The following PLEKHH1 variants were observed in gnomAD, a reference collection of about 807,000 sequenced individuals.
PLEKHH1 encodes pleckstrin homology, MyTH4 and FERM domain containing H1.
In PLEKHH1, 104 loss-of-function variants were observed where a neutral mutation model predicts 160.0. The observed-to-expected ratio is 0.65, with a 90% CI of 0.55 to 0.76. The LOEUF is 0.76. PLEKHH1 is among the 30% of genes least tolerant of loss of function. The pLI, the probability that PLEKHH1 is intolerant of heterozygous loss-of-function variation, is 0.00. For missense variants in PLEKHH1, 1,427 were observed against 1,724.1 expected (o/e 0.83, Z 3.05); for synonymous variants, 619 against 678.4 (o/e 0.91, Z 1.36).
At position 67,542,083 on chromosome 14, in the gene PLEKHH1, C is replaced by A. The variant is rs972399742; in HGVS notation, c.126+90C>A. On this transcript the variant is annotated intron_variant, in intron 2 of 28. Coordinates refer to ENST00000329153, the MANE Select transcript of PLEKHH1 (RefSeq NM_020715.3). ...TGAGAGAGGGAGAGTTGCGGAAAGT[C>A]AACTTTCAGTAAGATGCTTTTCCCC... 5.7e-6 allele frequency: 7 copies of A among 1,222,106 alleles called. No homozygotes were observed. In the Admixed American group the frequency reaches 1.5e-4, roughly 26 times the overall value. The allele number at this position is 1,222,106 out of a possible 1,614,324, so 75.7% of individuals were successfully genotyped here. A position where few individuals can be genotyped will look rare whatever the true frequency, so the allele number is the denominator to read the frequency against.
Position 67,579,836 on chromosome 14 carries a change from C to G in PLEKHH1, c.3143C>G (p.Ser1048Trp), listed in dbSNP as rs367933390. 2 of 1,606,916 alleles carry G rather than the reference C, an allele frequency of 1.2e-6. No homozygotes were observed. Among genetic ancestry groups the G allele is most frequent in the African/African-American group, 2.7e-5 (2 of 74,832 alleles). Residue 1048 changes from serine to tryptophan, a missense_variant, in exon 22 of 29, where the codon TCG (serine) becomes TGG (tryptophan). By Grantham distance (177) the Ser-to-Trp change is radical. Around this residue, in one of 6 missense-constraint regions of PLEKHH1, gnomAD observed 436 missense variants for 607.5 expected, o/e 0.72. Coordinates refer to ENST00000329153, the MANE Select transcript of PLEKHH1 (RefSeq NM_020715.3). ...TTTGCCCTCTTCACGGACGATCCCT[C>G]GGGCAGGGACCTGGAGCACTGCCTG... Reference protein sequence around the residue: ...SGFALFTDDPSGRDLEHCLQG... With the variant: ...SGFALFTDDPWGRDLEHCLQG...
chr14:67,577,759 GT>G (rs1438277564), intron 18 of PLEKHH1, among the ~76,000 whole-genome samples: 4 of 151,838 alleles, frequency 2.6e-5, no homozygotes, highest in Admixed American at 2.0e-4. Context: ...TGAGTTTTCT[GT>G]TTTTGTTTTT....
At chr14:67,545,567 G>T (rs928671594) in intron 2 of PLEKHH1, among the ~76,000 whole-genome samples, 1 of 152,144 alleles carries the variant, frequency 6.6e-6, no homozygotes, top group Non-Finnish European at 1.5e-5. Context: ...AAGGACAAAT[G>T]AAGTGGCAGA....
At chr14:67,567,423 T>G (rs1009251758) in intron 7 of PLEKHH1, among the ~76,000 whole-genome samples, 1 of 152,198 alleles carries the variant, frequency 6.6e-6, no homozygotes, top group Non-Finnish European at 1.5e-5. Context: ...TCCTTCAAAC[T>G]TCAGTTTCAT....
rs1156364331 is a variant in PLEKHH1, at chr14:67,576,281, A to G, written c.2353-114A>G. 1.5e-5 allele frequency: 10 copies of G among 648,376 alleles called. No individual in the cohort carries two copies. The highest frequency in any genetic ancestry group is 1.4e-4 in the East Asian group (5 of 36,368). The allele number at this position is 648,376 out of a possible 1,614,324, so 40.2% of individuals were successfully genotyped here. A position where few individuals can be genotyped will look rare whatever the true frequency, so the allele number is the denominator to read the frequency against. On this transcript the variant is annotated intron_variant, in intron 16 of 28. Transcript: ENST00000329153. This position sits in a 1 kb window ranked among gnomAD's most constrained non-coding sequence, Gnocchi z 4.0. ...TTCCAGGTAGCCCTGACTCATGCCA[A>G]CCAAACTAGCTGAACCCCACATGGG...
In PLEKHH1 at chr14:67,588,383, G is replaced by A. The variant is rs2036259444; in HGVS notation, c.*1148G>A. 2 of 152,562 alleles carry A rather than the reference G, an allele frequency of 1.3e-5. No homozygotes were observed. Among genetic ancestry groups the A allele is most frequent in the Admixed American group, 1.3e-4 (2 of 15,282 alleles). The allele number at this position is 152,562 out of a possible 1,614,324, so 9.5% of individuals were successfully genotyped here. ...ACACAGAAGACTATTTCAGGCATGT[G>A]GGCCTGGATATGCTCCTTGAGACTT... On this transcript the variant is annotated 3_prime_UTR_variant, in exon 29 of 29. Transcript: ENST00000329153.
At position 67,578,411 on chromosome 14, in the gene PLEKHH1, C is replaced by T. The variant is rs1396288171; in HGVS notation, c.2752-123C>T. On this transcript the variant is annotated intron_variant, in intron 19 of 28. Coordinates refer to ENST00000329153, the MANE Select transcript of PLEKHH1 (RefSeq NM_020715.3). The surrounding 1 kb of genome is among the most constrained non-coding windows in gnomAD (Gnocchi z 5.0). ...CCTGACCAAGTTGGCCATCCCAGCA[C>T]CCAGAGCAAGTTGGGGGCTCTGGTT... The T allele has an allele frequency of 9.3e-5, 77 of 827,978 alleles. No homozygotes were observed. In the Admixed American group the frequency reaches 1.3e-3, roughly 14 times the overall value. The allele number at this position is 827,978 out of a possible 1,614,324, so 51.3% of individuals were successfully genotyped here. A position where few individuals can be genotyped will look rare whatever the true frequency, so the allele number is the denominator to read the frequency against.
intron 10 of PLEKHH1, 99 bp from the exon 11 acceptor site, chr14:67,572,036 G>C (rs923406946): frequency 2.7e-6 from 4 of 1,489,542 alleles, no homozygotes; most frequent in Non-Finnish European, 3.6e-6. Context: ...CAGCCCCAGA[G>C]ACCGGGTCCC....
intron 5 of PLEKHH1, 137 bp downstream of exon 5, chr14:67,559,828 C>T: frequency 1.6e-6 from 1 of 637,462 alleles, no homozygotes; most frequent in East Asian, 2.8e-5. Context: ...TGCATTCAGC[C>T]TCCATGCTGA....
At chr14:67,585,383 C>T (rs1366860080) in intron 26 of PLEKHH1, 185 bp from the exon 27 acceptor site, 11 of 574,728 alleles carry the variant, frequency 1.9e-5, no homozygotes, top group Non-Finnish European at 3.4e-5. Context: ...CAAGGGTCTC[C>T]TGTCACAAGC....
rs1160627972 is a variant in PLEKHH1, at chr14:67,555,811, C to T, written c.127-14C>T. On this transcript the variant is annotated splice_polypyrimidine_tract_variant and intron_variant, in intron 2 of 28. Transcript: ENST00000329153. Reference sequence around the variant, plus strand: ...CATGGCACCTACATCTCCCCTTTCTCTCTGGCCAAGCAGATGCAGGAGCTG... The same window carrying T: ...CATGGCACCTACATCTCCCCTTTCTTTCTGGCCAAGCAGATGCAGGAGCTG... 2 of 1,612,960 alleles carry T rather than the reference C, an allele frequency of 1.2e-6. No homozygotes were observed. The highest frequency in any genetic ancestry group is 2.2e-5 in the East Asian group (1 of 44,836).
At position 67,562,241 on chromosome 14, in the gene PLEKHH1, A is replaced by G. The variant is rs763665423; in HGVS notation, c.610A>G (p.Ser204Gly). Reference protein sequence around the residue: ...EPGIQPMGQDSGSQAQGLKAA... With the variant: ...EPGIQPMGQDGGSQAQGLKAA... Reference sequence around the variant, plus strand: ...GGGAATCCAGCCTATGGGCCAGGACAGTGGCTCCCAGGCCCAGGGTCTGAA... The same window carrying G: ...GGGAATCCAGCCTATGGGCCAGGACGGTGGCTCCCAGGCCCAGGGTCTGAA... Residue 204 changes from serine to glycine, a missense_variant, in exon 7 of 29, where the codon AGT becomes GGT. Physicochemically the swap from Ser to Gly is moderately conservative, Grantham distance 56 (BLOSUM62 0). Around this residue, in one of 6 missense-constraint regions of PLEKHH1, gnomAD observed 831 missense variants for 929.2 expected, o/e 0.89. Coordinates refer to ENST00000329153, the MANE Select transcript of PLEKHH1 (RefSeq NM_020715.3). 6.2e-7 allele frequency: 1 copy of G among 1,612,654 alleles called. No homozygotes were observed. Among genetic ancestry groups the G allele is most frequent in the Non-Finnish European group, 8.5e-7 (1 of 1,179,292 alleles).
chr14:67,558,834 C>T (rs2034702790), intron 4 of PLEKHH1, among the ~76,000 whole-genome samples: 1 of 152,218 alleles, frequency 6.6e-6, no homozygotes, highest in African/African-American at 2.4e-5. Flanking sequence ...GGCCACAGGT[C>T]TCTGTTGCAA....
At chr14:67,545,181 C>T (rs1301957428) in intron 2 of PLEKHH1, among the ~76,000 whole-genome samples, 1 of 152,208 alleles carries the variant, frequency 6.6e-6, no homozygotes, top group Admixed American at 6.5e-5. Flanking sequence ...CACATTCCAG[C>T]CCCTTCCCTT....
chr14:67,559,960 T>G (rs2034760374), intron 5 of PLEKHH1, among the ~76,000 whole-genome samples: 1 of 152,182 alleles, frequency 6.6e-6, no homozygotes, highest in African/African-American at 2.4e-5. Flanking sequence ...AAAAGCCCCC[T>G]CAGTTTCTTT....
intron 2 of PLEKHH1, among the ~76,000 whole-genome samples, chr14:67,546,010 C>A (rs1370811946): frequency 2.0e-5 from 3 of 151,648 alleles, no homozygotes. Context: ...TAATGGCTAA[C>A]CTGGGGGTTG....
chr14:67,545,418 C>A (rs1057193075), intron 2 of PLEKHH1, among the ~76,000 whole-genome samples: 1 of 151,982 alleles, frequency 6.6e-6, no homozygotes, highest in Non-Finnish European at 1.5e-5. Flanking sequence ...GTCTTTAAGT[C>A]TAGACTAATA....
chr14:67,568,240 T>C (rs2035201391), intron 7 of PLEKHH1, among the ~76,000 whole-genome samples: 1 of 152,142 alleles, frequency 6.6e-6, no homozygotes, highest in East Asian at 1.9e-4. Context: ...GTGGTACATA[T>C]ACACCATGGA....
Position 67,571,834 on chromosome 14 carries a change from G to T in PLEKHH1, c.1517G>T (p.Arg506Leu). 1.9e-6 allele frequency: 3 copies of T among 1,613,884 alleles called. No homozygotes were observed. The highest frequency in any genetic ancestry group is 2.5e-6 in the Non-Finnish European group (3 of 1,179,832). The change falls in exon 10 of 29, where the codon CGA becomes CTA. Residue 506 changes from arginine to leucine, a missense_variant. Coordinates refer to ENST00000329153, the MANE Select transcript of PLEKHH1 (RefSeq NM_020715.3). ...GACTGCAGCTCTCAGGCGAGTTTCC[G>T]AATCTCGGTCCCCTCCTCTGAGTCC... The part of the protein sequence containing the change: ...DDDCSSQASF[R>L]ISVPSSESRK...
Sources: gnomAD v4.1 joint callset for allele counts (sites outside exome capture counted in the v4.1 genomes callset) on GRCh38, gnomAD v4.1.1 for gene constraint, gnomAD v4.1.1 regional missense constraint, Gnocchi (gnomAD v3.1) non-coding constraint, MANE v1.5 for transcripts, NCBI Gene and HGNC (gene_info 2026-07-23, HGNC 2026-07-21) for gene names.